TSPEAR: variants seen among roughly 807,000 people sequenced by gnomAD.
The protein encoded by TSPEAR is thrombospondin-type laminin G domain and EAR repeat-containing protein.
Under a neutral mutation model 71.6 loss-of-function variants are expected in TSPEAR, and 69 were observed. That is an observed-to-expected ratio of 0.96 (90% CI 0.79 to 1.18). TSPEAR has a LOEUF of 1.18. TSPEAR is among the 50% of genes most tolerant of loss of function. The pLI is 0.00. For missense variants in TSPEAR, 971 were observed against 894.9 expected (o/e 1.09, Z -1.09); for synonymous variants, 402 against 387.2 (o/e 1.04, Z -0.45).
intron 9 of TSPEAR, chr21:44,518,299 G>C: frequency 2.1e-6 from 1 of 469,850 alleles, no homozygotes; most frequent in Non-Finnish European, 4.4e-6. Flanking sequence ...CCCTTAGCTG[G>C]AGAGGATGGC....
At chr21:44,588,690 T>TTA (rs376213089) in intron 1 of TSPEAR, among the ~76,000 whole-genome samples, 121,088 of 141,868 alleles carry the variant, frequency 0.85, 51,698 homozygotes, top group Middle Eastern at 0.89. Context: ...ATATATTTAT[T>TTA]TATATATTTA....
At chr21:44,526,472 A>G (rs1480275291) in intron 7 of TSPEAR, among the ~76,000 whole-genome samples, 1 of 151,824 alleles carries the variant, frequency 6.6e-6, no homozygotes, top group Non-Finnish European at 1.5e-5. Flanking sequence ...CAAAAAATTA[A>G]AACCTTATGA....
At chr21:44,676,905 G>A (rs1221791604) in intron 1 of TSPEAR, 5 of 885,058 alleles carry the variant, frequency 5.6e-6, no homozygotes, top group East Asian at 2.4e-5. Flanking sequence ...TCAGCTGATC[G>A]ATGTGACGAT....
chr21:44,643,354 T>C (rs1486712428), intron 1 of TSPEAR, among the ~76,000 whole-genome samples: 1 of 152,176 alleles, frequency 6.6e-6, no homozygotes, highest in African/African-American at 2.4e-5. Context: ...GACAGTTGAC[T>C]GTAACACAGA....
chr21:44,620,607 CAAAG>C (rs1156360052), intron 1 of TSPEAR, among the ~76,000 whole-genome samples: 1 of 152,200 alleles, frequency 6.6e-6, no homozygotes, highest in African/African-American at 2.4e-5. Flanking sequence ...TTGCTCTTCT[CAAAG>C]AACCAACTTT....
chr21:44,627,000 A>G (rs1982833685), intron 1 of TSPEAR: 3 of 1,040,750 alleles, frequency 2.9e-6, no homozygotes, highest in South Asian at 1.6e-5. Context: ...ATCATGGCAG[A>G]CGCCGCCTCT....
intron 2 of TSPEAR, chr21:44,551,387 C>T: frequency 6.2e-7 from 1 of 1,613,322 alleles, no homozygotes; most frequent in Non-Finnish European, 8.5e-7. Flanking sequence ...CACAGCAGCT[C>T]TCTGGGCAGT....
chr21:44,679,703 G>T (rs1555947616), intron 1 of TSPEAR, among the ~76,000 whole-genome samples: 1 of 152,172 alleles, frequency 6.6e-6, no homozygotes, highest in East Asian at 1.9e-4. Flanking sequence ...TAGATCAATG[G>T]AACAGAATAG....
intron 9 of TSPEAR, among the ~76,000 whole-genome samples, chr21:44,521,551 A>G (rs1267970817): frequency 1.3e-5 from 2 of 152,162 alleles, no homozygotes; most frequent in African/African-American, 4.8e-5. Flanking sequence ...TTCCAAGGGG[A>G]GGGAGGGCCT....
intron 1 of TSPEAR, among the ~76,000 whole-genome samples, chr21:44,571,325 C>G (rs1259295605): frequency 6.6e-6 from 1 of 152,256 alleles, no homozygotes; most frequent in African/African-American, 2.4e-5. Flanking sequence ...GCTGGAATTA[C>G]AGGCATGAGC....
chr21:44,677,828 G>A (rs936272492), intron 1 of TSPEAR: 40 of 1,300,182 alleles, frequency 3.1e-5, no homozygotes, highest in Middle Eastern at 1.8e-4. Context: ...GAACCACCTC[G>A]AAGAGTTTGT....
At chr21:44,637,446 C>A in intron 1 of TSPEAR, 1 of 1,611,436 alleles carries the variant, frequency 6.2e-7, no homozygotes, top group South Asian at 1.1e-5. Flanking sequence ...TCCATCTGCT[C>A]CAGCGCCTGC....
rs1555927292 is a variant in TSPEAR at position 44,593,838 on chromosome 21, C to G, written c.83-25833G>C. Among the ~76,000 whole-genome samples the G allele has an allele frequency of 6.6e-6, 1 of 152,166 alleles. No individual in the cohort carries two copies. Among genetic ancestry groups the G allele is most frequent in the African/African-American group, 2.4e-5 (1 of 41,450 alleles). On this transcript the variant is annotated intron_variant, in intron 1 of 11. Transcript: ENST00000323084. This position sits in a 1 kb window ranked among gnomAD's most constrained non-coding sequence, Gnocchi z 5.9. ...GCACTGGCCCCGCGATGAGGATGAG[C>G]AAGGTTCAAACGACTGCAGCTCATC...
At chr21:44,545,087 A>T (rs1555917603) in intron 2 of TSPEAR, among the ~76,000 whole-genome samples, 1 of 151,886 alleles carries the variant, frequency 6.6e-6, no homozygotes, top group Non-Finnish European at 1.5e-5. Context: ...TGGGAGGCTG[A>T]GGTGGGAGGA....
At chr21:44,638,140 C>T (rs782803611) in intron 1 of TSPEAR, 4 of 1,612,892 alleles carry the variant, frequency 2.5e-6, no homozygotes, top group Non-Finnish European at 3.4e-6. Context: ...CTGCCTGCTA[C>T]AGCCTCTGCT....
chr21:44,509,332 C>A lies in TSPEAR; in HGVS notation c.1621G>T (p.Ala541Ser). The A allele has an allele frequency of 6.2e-7, 1 of 1,613,946 alleles. No homozygotes were observed. The highest frequency in any genetic ancestry group is 8.5e-7 in the Non-Finnish European group (1 of 1,179,976). Reference sequence around the variant, plus strand: ...TCGTAGCTGTGACTGTTTGCCACAGCGAGGAAGATCCTCTCCCCGATCTGG... The same window carrying A: ...TCGTAGCTGTGACTGTTTGCCACAGAGAGGAAGATCCTCTCCCCGATCTGG... ...VFQIGERIFL[A>S]VANSHSYDVE... The change falls in exon 10 of 12, where the codon GCT becomes TCT. Residue 541 changes from alanine (A) to serine (S), a missense_variant. Physicochemically the swap from Ala to Ser is moderately conservative, Grantham distance 99. Transcript: ENST00000323084.
chr21:44,711,406 G>A lies in TSPEAR; in HGVS notation c.82+27C>T, dbSNP rs782704531. ...CCCAGCTCCCCGGCAAGATACCCCC[G>A]CCCGAGTTCCCATGCCCCTGCCTTA... On this transcript the variant is annotated intron_variant, in intron 1 of 11. Transcript: ENST00000323084. The surrounding 1 kb of genome is among the most constrained non-coding windows in gnomAD (Gnocchi z 4.5). 6 of 1,565,238 alleles carry A rather than the reference G, an allele frequency of 3.8e-6. No individual in the cohort carries two copies. The highest frequency in any genetic ancestry group is 2.3e-5 in the South Asian group (2 of 85,738).
rs1185935393 is a variant in TSPEAR at position 44,662,716 on chromosome 21, T to G, written c.82+48717A>C. 2.0e-5 allele frequency among the ~76,000 whole-genome samples: 3 copies of G among 152,172 alleles called. No individual in the cohort carries two copies. The South Asian group carries it at 6.2e-4, about 32-fold the overall frequency. On this transcript the variant is annotated intron_variant, in intron 1 of 11. Coordinates refer to ENST00000323084, the MANE Select transcript of TSPEAR (RefSeq NM_144991.3). ...TCACCAAAAAGACTATATTGTGCCA[T>G]AAAATAAACTTCAACCCATGTAAAA...
intron 1 of TSPEAR, among the ~76,000 whole-genome samples, chr21:44,686,012 C>T (rs1986839103): frequency 1.3e-5 from 2 of 152,226 alleles, no homozygotes; most frequent in African/African-American, 4.8e-5. Flanking sequence ...AGTAGCTTGG[C>T]TCTCATTACT....
Sources: gnomAD v4.1 joint callset for allele counts (sites outside exome capture counted in the v4.1 genomes callset) on GRCh38, gnomAD v4.1.1 for gene constraint, Gnocchi (gnomAD v3.1) non-coding constraint, MANE v1.5 for transcripts, NCBI Gene and HGNC (gene_info 2026-07-23, HGNC 2026-07-21) for gene names.